The following SLC4A4 variants were observed in gnomAD, a reference collection of about 807,000 sequenced individuals.
The protein encoded by SLC4A4 is electrogenic sodium bicarbonate cotransporter 1.
Under a neutral mutation model 111.5 loss-of-function variants are expected in SLC4A4, and 27 were observed. That is an observed-to-expected ratio of 0.24 (90% CI 0.18 to 0.33). The LOEUF is 0.33. Among genes scored for constraint, SLC4A4 ranks in the 10% least tolerant of loss-of-function variants. SLC4A4 has a pLI of 1.00. For missense variants in SLC4A4, 909 were observed against 1,315.5 expected (o/e 0.69, Z 4.78); for synonymous variants, 443 against 463.4 (o/e 0.96, Z 0.57).
rs12641475 is a variant in SLC4A4 at position 71,089,953 on chromosome 4, A to C, written c.-64-2777A>C. Among the ~76,000 whole-genome samples, 11 of 95,234 alleles carry C rather than the reference A, an allele frequency of 1.2e-4. 1 individual carries two copies. Among genetic ancestry groups the C allele is most frequent in the Admixed American group, 2.5e-4 (2 of 7,876 alleles). The allele number at this position is 95,234 out of a possible 152,430, so 62.5% of individuals were successfully genotyped here. On this transcript the variant is annotated intron_variant, in intron 1 of 26. Coordinates refer to the SLC4A4 transcript ENST00000649996. ...GAAAAGGGCATTTAAGTCTGCAGAG[A>C]ATTCTGTTGCCTTTTGTTTGGCTAT...
intron 16 of SLC4A4, among the ~76,000 whole-genome samples, chr4:71,506,652 C>A (rs1389938928): frequency 2.6e-5 from 4 of 151,960 alleles, no homozygotes; most frequent in African/African-American, 9.7e-5. Context: ...AGTTTGACTC[C>A]CAGTTTGGAA....
At chr4:71,338,064 C>T (rs765944448) in intron 3 of SLC4A4, among the ~76,000 whole-genome samples, 8 of 152,096 alleles carry the variant, frequency 5.3e-5, no homozygotes, top group Non-Finnish European at 1.0e-4. Context: ...AACTCCTGAC[C>T]TCAGGTGATC....
At chr4:71,341,624 TA>T (rs1728913246) in intron 4 of SLC4A4, among the ~76,000 whole-genome samples, 2 of 152,154 alleles carry the variant, frequency 1.3e-5, no homozygotes, top group South Asian at 4.1e-4. Flanking sequence ...ATCAAGTGTT[TA>T]TGAAGTTAAT....
chr4:71,190,193 T>C lies in SLC4A4; in HGVS notation c.-2+2792T>C, dbSNP rs145247417. ...AAAGTTTTATTTGAGGTCAGCTAAG[T>C]TGTATTCCAAATACATTTTGCCTTT... On this transcript the variant is annotated intron_variant, in intron 1 of 25. Transcript: ENST00000264485. Among the ~76,000 whole-genome samples the C allele has an allele frequency of 1.2e-4, 19 of 152,348 alleles. No homozygotes were observed. In the East Asian group the frequency reaches 2.9e-3, roughly 23 times the overall value.
chr4:71,145,175 C>T (rs566301986), intron 2 of SLC4A4, among the ~76,000 whole-genome samples: 11 of 152,242 alleles, frequency 7.2e-5, no homozygotes, highest in African/African-American at 2.6e-4. Flanking sequence ...TGAATTTTGT[C>T]AAAGGCCTTT....
At chr4:71,111,337 G>A (rs183321918) in intron 2 of SLC4A4, among the ~76,000 whole-genome samples, 44 of 152,052 alleles carry the variant, frequency 2.9e-4, no homozygotes, top group African/African-American at 9.2e-4. Context: ...TGACTGCTAA[G>A]TTGCATGTTC....
At chr4:71,231,082 G>A (rs755490908) in intron 1 of SLC4A4, among the ~76,000 whole-genome samples, 6 of 152,174 alleles carry the variant, frequency 3.9e-5, no homozygotes, top group Non-Finnish European at 5.9e-5. Context: ...AGTGGGAGGC[G>A]TAACAGGGGA....
At chr4:71,327,525 A>AAAAACTAACTATTTCATAGTT (rs1468176631) in intron 3 of SLC4A4, among the ~76,000 whole-genome samples, 2 of 151,998 alleles carry the variant, frequency 1.3e-5, no homozygotes, top group East Asian at 3.9e-4. Context: ...GGAATAATAA[A>AAAAACTAACTATTTCATAGTT]AGTAACTATT....
intron 2 of SLC4A4, among the ~76,000 whole-genome samples, chr4:71,129,158 A>G (rs1249193535): frequency 6.6e-6 from 1 of 152,244 alleles, no homozygotes; most frequent in African/African-American, 2.4e-5. Flanking sequence ...AACAGGAACA[A>G]TAAACAAAAT....
intron 2 of SLC4A4, among the ~76,000 whole-genome samples, chr4:71,160,141 A>G (rs1744581188): frequency 6.6e-6 from 1 of 152,136 alleles, no homozygotes; most frequent in Non-Finnish European, 1.5e-5. Flanking sequence ...GAAACTAGGT[A>G]ACATCAACCA....
At chr4:71,525,177 A>G (rs757482888) in intron 16 of SLC4A4, among the ~76,000 whole-genome samples, 1 of 152,126 alleles carries the variant, frequency 6.6e-6, no homozygotes, top group Non-Finnish European at 1.5e-5. Flanking sequence ...AGAAGGAGAG[A>G]ACAGCATATG....
intron 16 of SLC4A4, among the ~76,000 whole-genome samples, chr4:71,527,789 TTAGA>T (rs1209521372): frequency 1.3e-5 from 2 of 152,042 alleles, no homozygotes; most frequent in African/African-American, 2.4e-5. Context: ...TGTCAGGTAG[TTAGA>T]TAGATAATTC....
chr4:71,273,882 G>C (rs1054705318), intron 3 of SLC4A4, among the ~76,000 whole-genome samples: 2 of 152,092 alleles, frequency 1.3e-5, no homozygotes, highest in African/African-American at 4.8e-5. Flanking sequence ...TGGTAATACT[G>C]TCTGACTCAT....
intron 6 of SLC4A4, among the ~76,000 whole-genome samples, chr4:71,390,636 T>C (rs1443454092): frequency 1.3e-5 from 2 of 152,148 alleles, no homozygotes; most frequent in African/African-American, 4.8e-5. Context: ...ACCAGGAACA[T>C]AACTGCCTTA....
chr4:71,261,282 G>A (rs1200324415), intron 3 of SLC4A4, among the ~76,000 whole-genome samples: 2 of 152,212 alleles, frequency 1.3e-5, no homozygotes, highest in African/African-American at 4.8e-5. Context: ...GTGGCTTGGT[G>A]TACCAAGGGT....
chr4:71,168,287 T>C (rs1369500686), intron 2 of SLC4A4, among the ~76,000 whole-genome samples: 2 of 151,270 alleles, frequency 1.3e-5, no homozygotes, highest in Non-Finnish European at 2.9e-5. Flanking sequence ...GTTCAAGTGA[T>C]TCTCCTGCCT....
intron 18 of SLC4A4, among the ~76,000 whole-genome samples, chr4:71,541,930 G>C (rs1735106443): frequency 6.6e-6 from 1 of 152,082 alleles, no homozygotes; most frequent in South Asian, 2.1e-4. Flanking sequence ...AAAAGGACCA[G>C]TATTTGAATA....
chr4:71,128,367 C>T (rs1462071613), intron 2 of SLC4A4, among the ~76,000 whole-genome samples: 4 of 152,198 alleles, frequency 2.6e-5, no homozygotes, highest in African/African-American at 9.7e-5. Flanking sequence ...ATTCAGTCAT[C>T]TCCCACTGGG....
intron 2 of SLC4A4, among the ~76,000 whole-genome samples, chr4:71,121,222 C>G (rs1034055121): frequency 6.6e-6 from 1 of 152,080 alleles, no homozygotes; most frequent in African/African-American, 2.4e-5. Context: ...TCCCTCCCCC[C>G]TCCCCTTGGC....
Sources: allele counts gnomAD v4.1 joint callset (sites outside exome capture counted in the v4.1 genomes callset), GRCh38; gene constraint gnomAD v4.1.1; transcripts MANE v1.5; gene names NCBI Gene and HGNC (gene_info 2026-07-23, HGNC 2026-07-21).